Variants in LRRN3 observed in about 807,000 individuals in gnomAD.
LRRN3 encodes leucine-rich repeat neuronal protein 3.
LRRN3 carries 15 observed loss-of-function variants against 40.1 expected under a neutral mutation model. The ratio of observed to expected loss-of-function variants is 0.37; its 90% CI spans 0.25 to 0.58. LRRN3 has a LOEUF of 0.58. Ranked by LOEUF, LRRN3 falls within the 20% of genes least tolerant of loss-of-function variation. The pLI is 0.72. For synonymous variants in LRRN3, 308 were observed against 297.2 expected, an observed-to-expected ratio of 1.04 and a Z score of -0.37; for missense variants, 746 against 837.7, an observed-to-expected ratio of 0.89 and a Z score of 1.35.
intron 2 of LRRN3, among the ~76,000 whole-genome samples, chr7:111,107,903 G>A (rs1371249476): frequency 6.6e-6 from 1 of 152,148 alleles, no homozygotes; most frequent in African/African-American, 2.4e-5. Flanking sequence ...CTAGTTTCAT[G>A]TGTGCTGCAT....
chr7:111,105,962 A>G lies in LRRN3; in HGVS notation c.-359+6000A>G, dbSNP rs186316531. Among the ~76,000 whole-genome samples, 90 of 152,058 alleles carry G rather than the reference A, an allele frequency of 5.9e-4. 1 individual carries two copies. Among genetic ancestry groups the G allele is most frequent in the African/African-American group, 2.0e-3 (85 of 41,540 alleles). On this transcript the variant is annotated intron_variant, in intron 2 of 2. Coordinates refer to ENST00000308478, the MANE Select transcript of LRRN3 (RefSeq NM_001099658.2). Reference sequence around the variant, plus strand: ...TACACAACATCTCAATTCCTAATGCACCAGCAAGGGCAAGCTTATTTTTCT... The same window carrying G: ...TACACAACATCTCAATTCCTAATGCGCCAGCAAGGGCAAGCTTATTTTTCT...
At position 111,122,762 on chromosome 7, in the gene LRRN3, A is replaced by G. The variant is rs1418432805; in HGVS notation, c.-11A>G. On this transcript the variant is annotated 5_prime_UTR_variant, in exon 3 of 3. Coordinates refer to ENST00000308478, the MANE Select transcript of LRRN3 (RefSeq NM_001099658.2). ...TAAGGGCCCATTACATTTCTGAAGA[A>G]GAAAGCTAAGATGAAGGACATGCCA... is the stretch of plus-strand genomic sequence containing the variant. The G allele has an allele frequency of 6.2e-7, 1 of 1,602,620 alleles. No individual in the cohort carries two copies. Among genetic ancestry groups the G allele is most frequent in the Non-Finnish European group, 8.5e-7 (1 of 1,174,048 alleles).
chr7:111,123,498 T>A lies in LRRN3; in HGVS notation c.726T>A (p.Ser242=). 1 of 1,613,890 alleles carries A rather than the reference T, an allele frequency of 6.2e-7. No individual in the cohort carries two copies. Among genetic ancestry groups the A allele is most frequent in the South Asian group, 1.1e-5 (1 of 91,046 alleles). The stretch of plus-strand genomic sequence containing the variant: ...GACTGGAAAACTTAGAAAGCATCTC[T>A]TTTTACGATAACAGGCTTATTAAAG... ...LVGLENLESI[S]FYDNRLIKVP... The change falls in exon 3 of 3, where the codon TCT becomes TCA. Residue 242 remains serine (S), a synonymous_variant. Transcript: ENST00000308478. This position sits in a 1 kb window ranked among gnomAD's most constrained non-coding sequence, Gnocchi z 6.4.
intron 1 of LRRN3, among the ~76,000 whole-genome samples, chr7:111,094,257 A>C (rs534347942): frequency 6.6e-6 from 1 of 152,230 alleles, no homozygotes; most frequent in South Asian, 2.1e-4. Context: ...AAAAACACTT[A>C]TGTAAGTTAA....
Position 111,122,711 on chromosome 7 carries a change from C to A in LRRN3, c.-62C>A. The A allele has an allele frequency of 7.7e-7, 1 of 1,297,824 alleles. No individual in the cohort carries two copies. Among genetic ancestry groups the A allele is most frequent in the Non-Finnish European group, 1.1e-6 (1 of 930,268 alleles). The allele number at this position is 1,297,824 out of a possible 1,614,324, so 80.4% of individuals were successfully genotyped here. A position where few individuals can be genotyped will look rare whatever the true frequency, so the allele number is the denominator to read the frequency against. ...TCCTTATCAATCAGCTCCTATTGAA[C>A]TTACTAGCACTGACTGTGGAATCCT... On this transcript the variant is annotated 5_prime_UTR_variant, in exon 3 of 3. Transcript: ENST00000308478.
chr7:111,123,481 A>T lies in LRRN3; in HGVS notation c.709A>T (p.Asn237Tyr). ...IPDNALVGLE[N>Y]LESISFYDNR... ...AGATAACGCCTTGGTTGGACTGGAA[A>T]ACTTAGAAAGCATCTCTTTTTACGA... The change falls in exon 3 of 3, where the codon AAC (asparagine) becomes TAC (tyrosine). Residue 237 changes from asparagine to tyrosine, a missense_variant. Physicochemically the swap from Asn to Tyr is moderately radical, Grantham distance 143 (BLOSUM62 -2). Transcript: ENST00000308478. This position sits in a 1 kb window ranked among gnomAD's most constrained non-coding sequence, Gnocchi z 6.4. The T allele has an allele frequency of 1.2e-6, 2 of 1,613,884 alleles. No individual in the cohort carries two copies.
At chr7:111,096,251 A>T (rs1797385099) in intron 1 of LRRN3, among the ~76,000 whole-genome samples, 1 of 151,840 alleles carries the variant, frequency 6.6e-6, no homozygotes, top group Non-Finnish European at 1.5e-5. Context: ...GAGGTTAGAG[A>T]CTTGCTAGCA....
chr7:111,100,839 A>G (rs1245841606), intron 2 of LRRN3, among the ~76,000 whole-genome samples: 1 of 151,640 alleles, frequency 6.6e-6, no homozygotes, highest in Non-Finnish European at 1.5e-5. Context: ...GGAAAGTTTT[A>G]TTGACCATAA....
In LRRN3 at chr7:111,122,742, G is replaced by GC. The variant is rs753188133; in HGVS notation, c.-28dup. The GC allele has an allele frequency of 1.9e-5, 29 of 1,559,252 alleles. No individual in the cohort carries two copies. The African/African-American group carries it at 3.9e-4, about 21-fold the overall frequency. Reference sequence around the variant, plus strand: ...AGCACTGACTGTGGAATCCTTAAGGGCCCATTACATTTCTGAAGAAGAAAG... The same window carrying GC: ...AGCACTGACTGTGGAATCCTTAAGGGCCCCATTACATTTCTGAAGAAGAAAG... On this transcript the variant is annotated 5_prime_UTR_variant, in exon 3 of 3. It removes the in-frame stop codon of an upstream open reading frame in the 5' UTR. Coordinates refer to ENST00000308478, the MANE Select transcript of LRRN3 (RefSeq NM_001099658.2).
chr7:111,108,236 T>C lies in LRRN3; in HGVS notation c.-359+8274T>C, dbSNP rs192378864. On this transcript the variant is annotated intron_variant, in intron 2 of 2. Coordinates refer to ENST00000308478, the MANE Select transcript of LRRN3 (RefSeq NM_001099658.2). Reference sequence around the variant, plus strand: ...CTGCAGCCACATCAAACCAATTTTCTAGAGGACTTTTCTCAGTACTTAACA... The same window carrying C: ...CTGCAGCCACATCAAACCAATTTTCCAGAGGACTTTTCTCAGTACTTAACA... Among the ~76,000 whole-genome samples the C allele has an allele frequency of 5.1e-4, 77 of 152,316 alleles. No individual in the cohort carries two copies. In the South Asian group the frequency reaches 6.4e-3, roughly 13 times the overall value.
At position 111,123,574 on chromosome 7, in the gene LRRN3, A is replaced by C. The variant is rs1281129624; in HGVS notation, c.802A>C (p.Asn268His). The C allele has an allele frequency of 1.9e-6, 3 of 1,613,568 alleles. No homozygotes were observed. Among genetic ancestry groups the C allele is most frequent in the African/African-American group, 2.7e-5 (2 of 75,004 alleles). ...KVVNLKFLDL[N>H]KNPINRIRRG... ...TGTAAATCTCAAATTTTTGGATCTA[A>C]ATAAAAATCCTATTAATAGAATACG... The change falls in exon 3 of 3, where the codon AAT becomes CAT. Residue 268 changes from asparagine to histidine, a missense_variant. By Grantham distance (68) the Asn-to-His change is moderately conservative. Coordinates refer to ENST00000308478, the MANE Select transcript of LRRN3 (RefSeq NM_001099658.2). This position sits in a 1 kb window ranked among gnomAD's most constrained non-coding sequence, Gnocchi z 6.4.
intron 1 of LRRN3, among the ~76,000 whole-genome samples, chr7:111,095,042 C>A (rs760320700): frequency 6.6e-6 from 1 of 151,986 alleles, no homozygotes; most frequent in Admixed American, 6.6e-5. Context: ...TTTGTATACA[C>A]CTGCTTGCTA....
intron 2 of LRRN3, among the ~76,000 whole-genome samples, chr7:111,104,634 G>A (rs1442099727): frequency 6.6e-6 from 1 of 151,574 alleles, no homozygotes; most frequent in Non-Finnish European, 1.5e-5. Flanking sequence ...TTTTTGATTC[G>A]GGGAGCAAAT....
chr7:111,107,701 A>G (rs1798704848), intron 2 of LRRN3, among the ~76,000 whole-genome samples: 1 of 152,130 alleles, frequency 6.6e-6, no homozygotes. Flanking sequence ...TTAAATGTCA[A>G]GGCCACAGAT....
chr7:111,110,072 T>C, intron 2 of LRRN3, among the ~76,000 whole-genome samples: 1 of 152,030 alleles, frequency 6.6e-6, no homozygotes, highest in Admixed American at 6.5e-5. Flanking sequence ...GAGGTGGAGG[T>C]TGCAGTAAGC....
chr7:111,095,901 C>T (rs1162186977), intron 1 of LRRN3, among the ~76,000 whole-genome samples: 1 of 151,882 alleles, frequency 6.6e-6, no homozygotes, highest in Non-Finnish European at 1.5e-5. Context: ...CTCTCCCTCC[C>T]CTACCCCATC....
At chr7:111,112,355 G>T (rs1376850113) in intron 2 of LRRN3, among the ~76,000 whole-genome samples, 1 of 152,126 alleles carries the variant, frequency 6.6e-6, no homozygotes, top group Non-Finnish European at 1.5e-5. Context: ...CATACATCAA[G>T]AACTTTAACT....
In LRRN3 at chr7:111,123,014, T is replaced by C. The variant is rs1283665184; in HGVS notation, c.242T>C (p.Ile81Thr). 4 of 1,613,780 alleles carry C rather than the reference T, an allele frequency of 2.5e-6. No individual in the cohort carries two copies. The highest frequency in any genetic ancestry group is 3.4e-6 in the Non-Finnish European group (4 of 1,179,940). Reference protein sequence around the residue: ...TQILLLQTNNIAKIEYSTDFP... With the variant: ...TQILLLQTNNTAKIEYSTDFP... ...ATTCTTCTCCTACAGACTAACAATA[T>C]TGCAAAAATTGAATACTCCACAGAC... The change falls in exon 3 of 3, where the codon ATT (isoleucine) becomes ACT (threonine). Residue 81 changes from isoleucine to threonine, a missense_variant. Physicochemically the swap from Ile to Thr is moderately conservative, Grantham distance 89. Transcript: ENST00000308478. This position sits in a 1 kb window ranked among gnomAD's most constrained non-coding sequence, Gnocchi z 6.4.
Position 111,125,185 on chromosome 7 carries a change from G to T in LRRN3, c.*286G>T. 3.4e-6 allele frequency: 1 copy of T among 290,166 alleles called. No individual in the cohort carries two copies. Among genetic ancestry groups the T allele is most frequent in the Non-Finnish European group, 6.7e-6 (1 of 148,656 alleles). The allele number at this position is 290,166 out of a possible 1,614,324, so 18.0% of individuals were successfully genotyped here. A position where few individuals can be genotyped will look rare whatever the true frequency, so the allele number is the denominator to read the frequency against. ...TTTATGTCTGGACTACAGTTCAAGT[G>T]GACAAAAACATTTCTGTATTTTTTT... On this transcript the variant is annotated 3_prime_UTR_variant, in exon 3 of 3. Transcript: ENST00000308478.
Sources: allele counts gnomAD v4.1 joint callset (sites outside exome capture counted in the v4.1 genomes callset), GRCh38; gene constraint gnomAD v4.1.1; non-coding constraint Gnocchi (gnomAD v3.1); transcripts MANE v1.5; gene names NCBI Gene and HGNC (gene_info 2026-07-23, HGNC 2026-07-21).